The following PARP9 variants were observed in gnomAD, a reference collection of about 807,000 sequenced individuals.
PARP9 encodes poly(ADP-ribose) polymerase family member 9.
In PARP9, 48 loss-of-function variants were observed where a neutral mutation model predicts 68.8. The observed-to-expected ratio is 0.70, with a 90% CI of 0.55 to 0.89. The LOEUF (loss-of-function observed/expected upper bound fraction) is 0.89. PARP9 is among the 40% of genes least tolerant of loss of function. PARP9 has a pLI of 0.00. For synonymous variants in PARP9, 309 were observed against 333.8 expected (o/e 0.93, Z 0.81); for missense variants, 806 against 969.3 (o/e 0.83, Z 2.24).
At chr3:122,547,306 A>G (rs4574221) in intron 6 of PARP9, among the ~76,000 whole-genome samples, 80,943 of 150,120 alleles carry the variant, frequency 0.54, 22,574 homozygotes, top group East Asian at 0.78. Flanking sequence ...TGTTGGCCAG[A>G]CTGGTCTCGA....
intron 1 of PARP9, among the ~76,000 whole-genome samples, chr3:122,563,167 A>G (rs1490589957): frequency 6.6e-6 from 1 of 152,174 alleles, no homozygotes; most frequent in East Asian, 1.9e-4. Context: ...AAATCTGGCA[A>G]GTCATTTTCT....
intron 5 of PARP9, among the ~76,000 whole-genome samples, chr3:122,552,028 A>C (rs187710535): frequency 1.2e-3 from 175 of 151,990 alleles, no homozygotes; most frequent in Admixed American, 1.8e-3. Context: ...TGATCCTCCT[A>C]CCTCAGCCTC....
chr3:122,550,199 C>G (rs2079087039), intron 6 of PARP9, among the ~76,000 whole-genome samples: 1 of 152,156 alleles, frequency 6.6e-6, no homozygotes, highest in Non-Finnish European at 1.5e-5. Context: ...CTTGCCTCAG[C>G]CTCCCTAGTA....
Position 122,540,610 on chromosome 3 carries a change from T to C in PARP9, c.1627A>G (p.Ser543Gly), listed in dbSNP as rs2078129924. The change falls in exon 8 of 11, where the codon AGC becomes GGC. Residue 543 changes from serine to glycine, a missense_variant. Physicochemically the swap from Ser to Gly is moderately conservative, Grantham distance 56 (BLOSUM62 0). Coordinates refer to ENST00000682323, the MANE Select transcript of PARP9 (RefSeq NM_001146105.2). ...TSSVSITEII[S>G]PGRTELEIEG... ...ATCTCTAACTCTGTCCTTCCTGGGCTGATAATTTCTGTGATGGAGACACTT... is the reference window on the plus strand; with the variant it reads ...ATCTCTAACTCTGTCCTTCCTGGGCCGATAATTTCTGTGATGGAGACACTT... The C allele has an allele frequency of 3.7e-6, 6 of 1,614,220 alleles. No homozygotes were observed. The highest frequency in any genetic ancestry group is 5.1e-6 in the Non-Finnish European group (6 of 1,180,040).
chr3:122,538,963 T>C (rs1202377262), intron 8 of PARP9, among the ~76,000 whole-genome samples: 2 of 152,158 alleles, frequency 1.3e-5, no homozygotes, highest in Admixed American at 1.3e-4. Context: ...TACAAACACA[T>C]GGTGAAAATA....
chr3:122,564,543 G>A, upstream of PARP9: 1 of 1,610,794 alleles, frequency 6.2e-7, no homozygotes, highest in South Asian at 1.1e-5. Context: ...CGGGCGGCGG[G>A]GAGTGCACGG....
Position 122,564,265 on chromosome 3 carries a change from G to A in PARP9, c.-110C>T. ...CTCACCCGGCAGGCCGCTCTCCTCG[G>A]TGCAGACAGCACAGGGAGGAGGGGG... On this transcript the variant is annotated 5_prime_UTR_variant, in exon 1 of 11. Coordinates refer to ENST00000682323, the MANE Select transcript of PARP9 (RefSeq NM_001146105.2). 2.3e-6 allele frequency: 2 copies of A among 882,730 alleles called. No individual in the cohort carries two copies. Among genetic ancestry groups the A allele is most frequent in the South Asian group, 3.6e-5 (2 of 55,340 alleles). 54.7% of individuals were successfully genotyped at this position (882,730 alleles called of 1,614,324 possible). A position where few individuals can be genotyped will look rare whatever the true frequency, so the allele number is the denominator to read the frequency against.
chr3:122,538,887 G>A (rs2077868496), intron 8 of PARP9, among the ~76,000 whole-genome samples: 1 of 151,456 alleles, frequency 6.6e-6, no homozygotes, highest in Non-Finnish European at 1.5e-5. Context: ...TGTTTTCTGT[G>A]GGATGTAAAT....
At chr3:122,562,283 C>T (rs1047834728) in intron 1 of PARP9, among the ~76,000 whole-genome samples, 2 of 151,816 alleles carry the variant, frequency 1.3e-5, no homozygotes, top group Non-Finnish European at 2.9e-5. Context: ...CCCGGGTTCA[C>T]GCCATTCTGC....
intron 10 of PARP9, among the ~76,000 whole-genome samples, chr3:122,530,880 C>T (rs891662989): frequency 6.6e-6 from 1 of 152,084 alleles, no homozygotes; most frequent in Non-Finnish European, 1.5e-5. Context: ...CTGGGCAACA[C>T]AGTGAGACCC....
intron 9 of PARP9, 64 bp downstream of exon 9, chr3:122,536,870 T>C (rs2077683839): frequency 1.3e-6 from 2 of 1,543,570 alleles, no homozygotes; most frequent in East Asian, 2.3e-5. Flanking sequence ...AGCTTTTCCT[T>C]TGGCTACAGA....
chr3:122,556,467 C>T (rs759360513), intron 3 of PARP9, among the ~76,000 whole-genome samples: 3 of 152,096 alleles, frequency 2.0e-5, no homozygotes, highest in African/African-American at 2.4e-5. Context: ...ATAAAAGTGG[C>T]GAGCTTAGAA....
rs1194458839 is a variant in PARP9, at chr3:122,540,862, C to T, written c.1385-10G>A. 6 of 1,592,258 alleles carry T rather than the reference C, an allele frequency of 3.8e-6. No individual in the cohort carries two copies. Among genetic ancestry groups the T allele is most frequent in the African/African-American group, 1.4e-5 (1 of 73,280 alleles). ...CTGGTTGACTGGGGGACTGAAATGA[C>T]TATAATAAGCAACCATGGAAGACTA... On this transcript the variant is annotated splice_polypyrimidine_tract_variant and intron_variant, in intron 7 of 10. Transcript: ENST00000682323.
chr3:122,561,177 G>T (rs2080174317), intron 1 of PARP9, among the ~76,000 whole-genome samples: 1 of 152,186 alleles, frequency 6.6e-6, no homozygotes, highest in Non-Finnish European at 1.5e-5. Context: ...AACTGCCAGT[G>T]GCCAGGCATG....
rs188222396 is a variant in PARP9, at chr3:122,535,979, C to T, written c.2080+189G>A. 2,136 of 1,474,866 alleles carry T rather than the reference C, an allele frequency of 1.4e-3. 12 individuals are homozygous for T. Among genetic ancestry groups the T allele is most frequent in the South Asian group, 4.8e-3 (329 of 68,352 alleles). The allele number at this position is 1,474,866 out of a possible 1,614,324, so 91.4% of individuals were successfully genotyped here. On this transcript the variant is annotated intron_variant, in intron 10 of 10. Coordinates refer to ENST00000682323, the MANE Select transcript of PARP9 (RefSeq NM_001146105.2). ...TAAAATGCATCAGCAACAAAAGATACGAAGGAAAAGTAAAAAATACCACTC... is the reference window on the plus strand; with the variant it reads ...TAAAATGCATCAGCAACAAAAGATATGAAGGAAAAGTAAAAAATACCACTC...
chr3:122,559,560 A>C, intron 2 of PARP9, 46 bp downstream of exon 2: 1 of 1,555,128 alleles, frequency 6.4e-7, no homozygotes, highest in Non-Finnish European at 8.7e-7. Context: ...AGAAGTATTC[A>C]TGTGCTGATC....
At chr3:122,549,850 G>A (rs1202905327) in intron 6 of PARP9, among the ~76,000 whole-genome samples, 2 of 151,988 alleles carry the variant, frequency 1.3e-5, no homozygotes, top group African/African-American at 4.8e-5. Flanking sequence ...TTGAGATGAC[G>A]GTCAGAGATC....
Position 122,545,660 on chromosome 3 carries a change from G to A in PARP9, c.1327-171C>T, listed in dbSNP as rs117475329. On this transcript the variant is annotated intron_variant, in intron 6 of 10. Transcript: ENST00000682323. ...GAAAGTCCCAGAGAAGAGGACCTCA[G>A]TCTATTAGAACACGGAAAGAATAAG... 5.3e-4 allele frequency: 327 copies of A among 612,902 alleles called. 1 individual carries two copies. In the East Asian group the frequency reaches 8.8e-3, roughly 16 times the overall value. The allele number at this position is 612,902 out of a possible 1,614,324, so 38.0% of individuals were successfully genotyped here.
chr3:122,540,419 A>C, intron 8 of PARP9, 53 bp downstream of exon 8: 1 of 1,591,994 alleles, frequency 6.3e-7, no homozygotes. Context: ...TCACACCCAA[A>C]AGAAGAAACA....
Sources: gnomAD v4.1 joint callset for allele counts (sites outside exome capture counted in the v4.1 genomes callset) on GRCh38, gnomAD v4.1.1 for gene constraint, MANE v1.5 for transcripts, NCBI Gene and HGNC (gene_info 2026-07-23, HGNC 2026-07-21) for gene names.